NLK: variants seen among roughly 807,000 people sequenced by gnomAD.
NLK encodes serine/threonine-protein kinase NLK.
Under a neutral mutation model 59.0 loss-of-function variants are expected in NLK, and 11 were observed. That is an observed-to-expected ratio of 0.19 (90% CI 0.12 to 0.31). The LOEUF (loss-of-function observed/expected upper bound fraction) is 0.31. Ranked by LOEUF, NLK falls within the 10% of genes least tolerant of loss-of-function variation. The probability of loss-of-function intolerance (pLI) is 1.00; values close to 1 mark genes in which losing one functional copy is unlikely to be tolerated. For synonymous variants in NLK, 235 were observed against 235.9 expected, an observed-to-expected ratio of 1.00 and a Z score of 0.03; for missense variants, 410 against 661.1, an observed-to-expected ratio of 0.62 and a Z score of 4.16.
chr17:28,044,382 T>C (rs1434666806), intron 1 of NLK, among the ~76,000 whole-genome samples: 3 of 152,190 alleles, frequency 2.0e-5, no homozygotes, highest in African/African-American at 7.2e-5. Flanking sequence ...TCTCCTTTCG[T>C]CATTGTTTTT....
At chr17:28,079,297 G>A (rs1334109997) in intron 1 of NLK, among the ~76,000 whole-genome samples, 1 of 151,968 alleles carries the variant, frequency 6.6e-6, no homozygotes, top group African/African-American at 2.4e-5. Flanking sequence ...CCATCTCTTG[G>A]CTTTTGTGAA....
intron 6 of NLK, 38 bp from the exon 7 acceptor site, chr17:28,172,479 A>T: frequency 7.3e-7 from 1 of 1,378,850 alleles, no homozygotes; most frequent in South Asian, 1.4e-5. Flanking sequence ...AGTTATTTCC[A>T]TGAGATTACT....
At chr17:28,134,002 CT>C (rs1172601293) in intron 3 of NLK, among the ~76,000 whole-genome samples, 1 of 151,876 alleles carries the variant, frequency 6.6e-6, no homozygotes, top group African/African-American at 2.4e-5. Flanking sequence ...ATGTTTTGAT[CT>C]TTTAAACCAA....
At position 28,081,191 on chromosome 17, in the gene NLK, A is replaced by C. The variant is rs529568871; in HGVS notation, c.458+37860A>C. On this transcript the variant is annotated intron_variant, in intron 1 of 10. Transcript: ENST00000407008. Reference sequence around the variant, plus strand: ...AGGCATGGGCCACCATGCCAGGCCTAGACCTGGTTTGTTTTTGTTGTTTTT... The same window carrying C: ...AGGCATGGGCCACCATGCCAGGCCTCGACCTGGTTTGTTTTTGTTGTTTTT... 9.2e-5 allele frequency among the ~76,000 whole-genome samples: 14 copies of C among 151,708 alleles called. No homozygotes were observed. The East Asian group carries it at 1.9e-3, about 21-fold the overall frequency.
chr17:28,158,774 A>G (rs1907888033), intron 3 of NLK, among the ~76,000 whole-genome samples: 1 of 152,182 alleles, frequency 6.6e-6, no homozygotes. Context: ...CTAGGACTAC[A>G]GGCACAAGCC....
At chr17:28,162,705 T>A (rs1908061757) in intron 4 of NLK, among the ~76,000 whole-genome samples, 1 of 152,128 alleles carries the variant, frequency 6.6e-6, no homozygotes, top group Non-Finnish European at 1.5e-5. Flanking sequence ...GGGGAAGATA[T>A]TGGCTCTTTT....
rs548157322 is a variant in NLK at position 28,165,174 on chromosome 17, TA to T, written c.837+1556del. On this transcript the variant is annotated intron_variant, in intron 5 of 10. Coordinates refer to ENST00000407008, the MANE Select transcript of NLK (RefSeq NM_016231.5). ...CCTATCCCCATAATCGTTTTTTAAT[TA>T]AAAAAAAAATTTAAACCTTATAGTT... Among the ~76,000 whole-genome samples the T allele has an allele frequency of 2.7e-3, 411 of 150,876 alleles. 1 individual carries two copies. Among genetic ancestry groups the T allele is most frequent in the Middle Eastern group, 6.9e-3 (2 of 290 alleles).
In NLK at chr17:28,191,173, T is replaced by A; in HGVS notation, c.1389T>A (p.Phe463Leu). The A allele has an allele frequency of 6.2e-7, 1 of 1,613,254 alleles. No homozygotes were observed. The highest frequency in any genetic ancestry group is 1.7e-4 in the Middle Eastern group (1 of 6,052). Residue 463 changes from phenylalanine to leucine, a missense_variant, in exon 9 of 11, where the codon TTT becomes TTA. Physicochemically the swap from Phe to Leu is conservative, Grantham distance 22. Transcript: ENST00000407008. ...TTGAGCCTGTCACCAATCCCAAATT[T>A]GATGACACTTTCGAGAAGAACCTCA... The part of the protein sequence containing the change: ...SDFEPVTNPK[F>L]DDTFEKNLSS...
At chr17:28,051,468 C>T (rs564785469) in intron 1 of NLK, among the ~76,000 whole-genome samples, 1 of 151,844 alleles carries the variant, frequency 6.6e-6, no homozygotes, top group African/African-American at 2.4e-5. Context: ...AAGGGATTCT[C>T]CTGCCTCAGC....
intron 3 of NLK, among the ~76,000 whole-genome samples, chr17:28,150,418 A>G (rs1426895915): frequency 6.6e-6 from 1 of 152,188 alleles, no homozygotes; most frequent in African/African-American, 2.4e-5. Flanking sequence ...CTAGACTAGG[A>G]GTCAGGAAAC....
At chr17:28,076,880 T>C (rs1369782699) in intron 1 of NLK, among the ~76,000 whole-genome samples, 1 of 152,276 alleles carries the variant, frequency 6.6e-6, no homozygotes, top group East Asian at 1.9e-4. Flanking sequence ...TTGCCTCTCT[T>C]CCTATTTCTT....
intron 7 of NLK, among the ~76,000 whole-genome samples, chr17:28,178,343 C>T (rs2142062865): frequency 6.6e-6 from 1 of 152,204 alleles, no homozygotes; most frequent in South Asian, 2.1e-4. Flanking sequence ...AATCAAACCA[C>T]TTGGTTTGGG....
intron 1 of NLK, among the ~76,000 whole-genome samples, chr17:28,112,930 CATT>C (rs1362017052): frequency 6.6e-6 from 1 of 151,936 alleles, no homozygotes; most frequent in African/African-American, 2.4e-5. Context: ...ATAAAAAAGA[CATT>C]ATAGTATACT....
At chr17:28,166,083 C>CAG (rs1908220079) in intron 5 of NLK, among the ~76,000 whole-genome samples, 1 of 152,084 alleles carries the variant, frequency 6.6e-6, no homozygotes, top group Non-Finnish European at 1.5e-5. Context: ...GGCGTGGTGG[C>CAG]GCATGCCACT....
chr17:28,112,693 G>A (rs1486731119), intron 1 of NLK, among the ~76,000 whole-genome samples: 1 of 152,094 alleles, frequency 6.6e-6, no homozygotes, highest in Non-Finnish European at 1.5e-5. Context: ...ATTTTTAACA[G>A]GCTAATTGAA....
intron 3 of NLK, among the ~76,000 whole-genome samples, chr17:28,157,804 C>T (rs1484143919): frequency 6.6e-6 from 1 of 152,036 alleles, no homozygotes; most frequent in African/African-American, 2.4e-5. Context: ...TTTAGGGTAC[C>T]ACTACATACC....
At chr17:28,075,046 A>T (rs1232678588) in intron 1 of NLK, among the ~76,000 whole-genome samples, 1 of 152,254 alleles carries the variant, frequency 6.6e-6, no homozygotes, top group African/African-American at 2.4e-5. Flanking sequence ...AGTACATAAA[A>T]TAATGGCACA....
intron 2 of NLK, among the ~76,000 whole-genome samples, chr17:28,130,837 G>A (rs1264858671): frequency 6.6e-6 from 1 of 152,034 alleles, no homozygotes; most frequent in Non-Finnish European, 1.5e-5. Context: ...AGAAATTTGT[G>A]TGAATTTATT....
At chr17:28,149,316 G>A (rs928096189) in intron 3 of NLK, among the ~76,000 whole-genome samples, 14 of 152,074 alleles carry the variant, frequency 9.2e-5, no homozygotes, top group Admixed American at 3.3e-4. Context: ...TTCCTGCCTC[G>A]GCCTCCCAAA....
Sources: gnomAD v4.1 joint callset for allele counts (sites outside exome capture counted in the v4.1 genomes callset) on GRCh38, gnomAD v4.1.1 for gene constraint, MANE v1.5 for transcripts, NCBI Gene and HGNC (gene_info 2026-07-23, HGNC 2026-07-21) for gene names.